The following CTDSPL variants were observed in gnomAD, a reference collection of about 807,000 sequenced individuals.
CTDSPL encodes CTD small phosphatase-like protein.
CTDSPL carries 8 observed loss-of-function variants against 30.5 expected under a neutral mutation model. The ratio of observed to expected loss-of-function variants is 0.26; its 90% CI spans 0.15 to 0.47. CTDSPL has a LOEUF of 0.47. Among genes scored for constraint, CTDSPL ranks in the 20% least tolerant of loss-of-function variants. The pLI is 0.99. For synonymous variants in CTDSPL, 110 were observed against 137.9 expected, an observed-to-expected ratio of 0.80 and a Z score of 1.42; for missense variants, 248 against 366.1, an observed-to-expected ratio of 0.68 and a Z score of 2.63.
chr3:37,981,496 G>A lies in CTDSPL; in HGVS notation c.*629G>A, dbSNP rs946367247. ...TCTGACAACCTGTGGCATGCTGCAG[G>A]GTCAGGCTCCTGATAGGAGGATTTC... On this transcript the variant is annotated 3_prime_UTR_variant, in exon 8 of 8. Coordinates refer to ENST00000273179, the MANE Select transcript of CTDSPL (RefSeq NM_001008392.2). 2 of 225,378 alleles carry A rather than the reference G, an allele frequency of 8.9e-6. No individual in the cohort carries two copies. The highest frequency in any genetic ancestry group is 4.7e-5 in the African/African-American group (2 of 42,498). 14.0% of individuals were successfully genotyped at this position (225,378 alleles called of 1,614,324 possible).
rs1273337588 is a variant in CTDSPL at position 37,914,209 on chromosome 3, GA to G, written c.80-32844del. Among the ~76,000 whole-genome samples, 5 of 152,208 alleles carry G rather than the reference GA, an allele frequency of 3.3e-5. No homozygotes were observed. The East Asian group carries it at 9.6e-4, about 29-fold the overall frequency. The stretch of plus-strand genomic sequence containing the variant: ...TTTGGTTTTATTGTAAATTGCAACT[GA>G]AAATTTTTCCTTTTCCAAATGTTTA... On this transcript the variant is annotated intron_variant, in intron 1 of 7. Transcript: ENST00000273179.
chr3:37,981,481 T>C lies in CTDSPL; in HGVS notation c.*614T>C. ...AACAGGTGTGACTGCTCTGACAACC[T>C]GTGGCATGCTGCAGGGTCAGGCTCC... On this transcript the variant is annotated 3_prime_UTR_variant, in exon 8 of 8. Transcript: ENST00000273179. 1 of 220,520 alleles carries C rather than the reference T, an allele frequency of 4.5e-6. No homozygotes were observed. The highest frequency in any genetic ancestry group is 9.3e-6 in the Non-Finnish European group (1 of 107,204). 13.7% of individuals were successfully genotyped at this position (220,520 alleles called of 1,614,324 possible).
At chr3:37,895,694 T>C (rs1436317167) in intron 1 of CTDSPL, among the ~76,000 whole-genome samples, 5 of 152,250 alleles carry the variant, frequency 3.3e-5, no homozygotes, top group African/African-American at 1.2e-4. Context: ...TGTTAATAGT[T>C]TATAGTTTTC....
intron 1 of CTDSPL, among the ~76,000 whole-genome samples, chr3:37,910,048 C>T (rs1698564132): frequency 6.6e-6 from 1 of 152,172 alleles, no homozygotes; most frequent in African/African-American, 2.4e-5. Context: ...TTCTATGCTT[C>T]AATTTTCTCA....
At chr3:37,898,854 A>T (rs542755837) in intron 1 of CTDSPL, among the ~76,000 whole-genome samples, 2 of 152,310 alleles carry the variant, frequency 1.3e-5, no homozygotes, top group African/African-American at 4.8e-5. Context: ...GCCTAGTTTT[A>T]TGTGTGGTCA....
At chr3:37,901,684 T>A (rs1450376295) in intron 1 of CTDSPL, among the ~76,000 whole-genome samples, 3 of 152,156 alleles carry the variant, frequency 2.0e-5, no homozygotes, top group Admixed American at 6.5e-5. Context: ...TACCATCCAA[T>A]GGAAATATGC....
intron 1 of CTDSPL, among the ~76,000 whole-genome samples, chr3:37,875,549 A>G (rs1698125598): frequency 6.6e-6 from 1 of 152,204 alleles, no homozygotes; most frequent in African/African-American, 2.4e-5. Flanking sequence ...GAATAAATGT[A>G]GCCTTTTAGT....
At chr3:37,907,140 T>C (rs1485301212) in intron 1 of CTDSPL, among the ~76,000 whole-genome samples, 1 of 152,200 alleles carries the variant, frequency 6.6e-6, no homozygotes, top group Non-Finnish European at 1.5e-5. Flanking sequence ...GTGTCAATTT[T>C]AGGATCAAAG....
intron 1 of CTDSPL, among the ~76,000 whole-genome samples, chr3:37,927,391 T>C (rs1031830505): frequency 3.3e-5 from 5 of 152,166 alleles, no homozygotes; most frequent in African/African-American, 1.2e-4. Context: ...ATTTGGGTCC[T>C]ATCCCCCAGA....
chr3:37,942,356 A>G (rs1698988080), intron 1 of CTDSPL, among the ~76,000 whole-genome samples: 1 of 150,566 alleles, frequency 6.6e-6, no homozygotes. Context: ...GCTAAAATGT[A>G]TATAGCCTGG....
chr3:37,981,666 C>T lies in CTDSPL; in HGVS notation c.*799C>T. ...GTTTGTCTTGAGGTCACATTTTCTC[C>T]TTGAAAAGTGACATCCTGTCACTTC... On this transcript the variant is annotated 3_prime_UTR_variant, in exon 8 of 8. Transcript: ENST00000273179. 4 of 322,044 alleles carry T rather than the reference C, an allele frequency of 1.2e-5. No individual in the cohort carries two copies. The highest frequency in any genetic ancestry group is 2.5e-5 in the Non-Finnish European group (4 of 160,784). 19.9% of individuals were successfully genotyped at this position (322,044 alleles called of 1,614,324 possible).
intron 1 of CTDSPL, among the ~76,000 whole-genome samples, chr3:37,892,582 A>G (rs772902025): frequency 6.6e-6 from 1 of 151,740 alleles, no homozygotes; most frequent in African/African-American, 2.4e-5. Context: ...TTTTTAATCC[A>G]GTTGGAATTC....
At chr3:37,925,049 T>C (rs1412756356) in intron 1 of CTDSPL, among the ~76,000 whole-genome samples, 2 of 152,160 alleles carry the variant, frequency 1.3e-5, no homozygotes, top group Non-Finnish European at 2.9e-5. Flanking sequence ...CCAGCCAAAC[T>C]GTCCTCCTTA....
chr3:37,971,552 C>T, intron 6 of CTDSPL, 53 bp downstream of exon 6: 4 of 1,497,712 alleles, frequency 2.7e-6, no homozygotes, highest in Non-Finnish European at 3.7e-6. Flanking sequence ...CCAGCCCCTC[C>T]ACCCCTACCC....
chr3:37,944,152 C>G lies in CTDSPL; in HGVS notation c.80-2905C>G, dbSNP rs765787810. Among the ~76,000 whole-genome samples the G allele has an allele frequency of 3.3e-5, 5 of 150,338 alleles. 1 individual carries two copies. The South Asian group carries it at 1.1e-3, about 32-fold the overall frequency. ...AGTTTAACAAGACTGTTTACTCCCCCCCCATTATTAGAGCAATACATAATT... is the reference window on the plus strand; with the variant it reads ...AGTTTAACAAGACTGTTTACTCCCCGCCCATTATTAGAGCAATACATAATT... On this transcript the variant is annotated intron_variant, in intron 1 of 7. Coordinates refer to ENST00000273179, the MANE Select transcript of CTDSPL (RefSeq NM_001008392.2).
At chr3:37,948,548 G>A (rs1032426942) in intron 2 of CTDSPL, among the ~76,000 whole-genome samples, 1 of 152,152 alleles carries the variant, frequency 6.6e-6, no homozygotes, top group Non-Finnish European at 1.5e-5. Flanking sequence ...GTTCAGTCTT[G>A]TTGATATCAT....
At position 37,970,423 on chromosome 3, in the gene CTDSPL, G is replaced by A. The variant is rs79544644; in HGVS notation, c.427-984G>A. On this transcript the variant is annotated intron_variant, in intron 5 of 7. Transcript: ENST00000273179. The stretch of plus-strand genomic sequence containing the variant: ...TTATTCATCTTTGCAACTACATCAG[G>A]CTGAGCTCAGAGCTGAGGCTCAGTA... 3.9e-3 allele frequency among the ~76,000 whole-genome samples: 599 copies of A among 152,324 alleles called. 4 individuals are homozygous for A. The highest frequency in any genetic ancestry group is 0.014 in the African/African-American group (564 of 41,568).
At chr3:37,980,221 C>T (rs1699474462) in intron 7 of CTDSPL, among the ~76,000 whole-genome samples, 1 of 152,162 alleles carries the variant, frequency 6.6e-6, no homozygotes, top group Non-Finnish European at 1.5e-5. Context: ...CAATTTTAGA[C>T]TTTTACTTTT....
chr3:37,888,386 C>A (rs1553681418), intron 1 of CTDSPL, among the ~76,000 whole-genome samples: 1 of 152,166 alleles, frequency 6.6e-6, no homozygotes, highest in Non-Finnish European at 1.5e-5. Flanking sequence ...TAGAGTGTTG[C>A]CAAAGCATCA....
Sources: allele counts gnomAD v4.1 joint callset (sites outside exome capture counted in the v4.1 genomes callset), GRCh38; gene constraint gnomAD v4.1.1; transcripts MANE v1.5; gene names NCBI Gene and HGNC (gene_info 2026-07-23, HGNC 2026-07-21).